Variants in KCNAB2 observed in about 807,000 individuals in gnomAD.
KCNAB2 encodes voltage-gated potassium channel subunit beta-2.
In KCNAB2, 29 loss-of-function variants were observed where a neutral mutation model predicts 63.6. That is an observed-to-expected ratio of 0.46 (90% CI 0.34 to 0.62). The LOEUF (loss-of-function observed/expected upper bound fraction) is 0.62. Among genes scored for constraint, KCNAB2 ranks in the 20% least tolerant of loss-of-function variants. KCNAB2 has a pLI of 0.01. For synonymous variants in KCNAB2, 222 were observed against 224.2 expected (o/e 0.99, Z 0.09); for missense variants, 359 against 563.9 (o/e 0.64, Z 3.68).
chr1:6,097,570 CAG>C, intron 15 of KCNAB2: 1 of 853,590 alleles, frequency 1.2e-6, no homozygotes, highest in Non-Finnish European at 1.8e-6. Context: ...GAATGTGTGT[CAG>C]GGTGGACGAG....
intron 1 of KCNAB2, chr1:6,040,375 GTCTC>G (rs146621437): frequency 4.8e-6 from 3 of 621,134 alleles, no homozygotes; most frequent in Non-Finnish European, 8.9e-6. Flanking sequence ...CTGTCTGTCT[GTCTC>G]TCTGCTGAGG....
chr1:6,089,243 C>T (rs778397224), intron 8 of KCNAB2, among the ~76,000 whole-genome samples, 192 bp downstream of exon 8: 1 of 152,250 alleles, frequency 6.6e-6, no homozygotes, highest in African/African-American at 2.4e-5. Context: ...AGAACGAGGG[C>T]AGCCCGGTGG....
intron 2 of KCNAB2, among the ~76,000 whole-genome samples, chr1:6,062,660 G>A (rs929355125): frequency 1.9e-4 from 29 of 152,186 alleles, no homozygotes; most frequent in African/African-American, 5.5e-4. Flanking sequence ...GCTTCATAGC[G>A]CACACACACT....
rs192325123 is a variant in KCNAB2, at chr1:6,062,621, A to T, written c.219-10134A>T. ...GAACATGGTCAGTGGCGCTCGGAGA[A>T]GGGAGGGGTTACTTGTGCTGGGGGC... is the stretch of plus-strand genomic sequence containing the variant. On this transcript the variant is annotated intron_variant, in intron 2 of 15. Coordinates refer to ENST00000378083, the MANE Select transcript of KCNAB2 (RefSeq NM_001199862.2). 3.2e-4 allele frequency among the ~76,000 whole-genome samples: 48 copies of T among 152,252 alleles called. 1 individual carries two copies. In the East Asian group the frequency reaches 9.1e-3, roughly 29 times the overall value.
At chr1:6,039,656 G>A (rs753375131) in intron 1 of KCNAB2, among the ~76,000 whole-genome samples, 1 of 152,208 alleles carries the variant, frequency 6.6e-6, no homozygotes, top group South Asian at 2.1e-4. Context: ...CTGAGCTGCA[G>A]TCGAGGTTCT....
chr1:6,094,720 C>T (rs1350215163), intron 11 of KCNAB2, among the ~76,000 whole-genome samples: 1 of 152,228 alleles, frequency 6.6e-6, no homozygotes, highest in Non-Finnish European at 1.5e-5. Context: ...CTTAACGTCT[C>T]TGAGCTTGTT....
chr1:6,095,702 T>C (rs1665563066), intron 13 of KCNAB2, 78 bp downstream of exon 13: 3 of 1,369,924 alleles, frequency 2.2e-6, no homozygotes, highest in Non-Finnish European at 2.1e-6. Flanking sequence ...GCCGACTGCT[T>C]TGGTGCTGGG....
chr1:6,091,306 A>C lies in KCNAB2; in HGVS notation c.645A>C (p.Glu215Asp). The change falls in exon 10 of 16, where the codon GAA (glutamate) becomes GAC (aspartate). Residue 215 changes from glutamate to aspartate, a missense_variant and splice_region_variant. By Grantham distance (45) the Glu-to-Asp change is conservative. Transcript: ENST00000378083. ...CCAAGTCAAGGACATTCATCATAGA[A>C]GGTACACAGTGCCCCCAGCCTGACT... ...SSSKSRTFII[E>D]ETVRAMTHVI... is the part of the protein sequence containing the mutation. 6.5e-7 allele frequency: 1 copy of C among 1,530,456 alleles called. No individual in the cohort carries two copies. The highest frequency in any genetic ancestry group is 8.8e-7 in the Non-Finnish European group (1 of 1,141,802). The allele number at this position is 1,530,456 out of a possible 1,614,324, so 94.8% of individuals were successfully genotyped here.
At chr1:6,088,703 AAATAATAATAATAAT>A (rs3040477) in intron 7 of KCNAB2, among the ~76,000 whole-genome samples, 1 of 142,490 alleles carries the variant, frequency 7.0e-6, no homozygotes, top group Non-Finnish European at 1.5e-5. Flanking sequence ...TTAATTTAAA[AAATAATAATAATAAT>A]AATAATAATA....
chr1:6,075,671 G>C (rs894718393), intron 4 of KCNAB2, among the ~76,000 whole-genome samples: 1 of 152,250 alleles, frequency 6.6e-6, no homozygotes, highest in Admixed American at 6.5e-5. Flanking sequence ...CTCAGTCCGA[G>C]CCAGCAGGGA....
At chr1:6,016,361 C>T (rs1455732979) in intron 1 of KCNAB2, among the ~76,000 whole-genome samples, 3 of 152,230 alleles carry the variant, frequency 2.0e-5, no homozygotes, top group African/African-American at 4.8e-5. Flanking sequence ...GCACTGACGT[C>T]CCTTGGCTCT....
rs977290597 is a variant in KCNAB2 at position 6,003,751 on chromosome 1, G to A, written c.-53+10963G>A. Among the ~76,000 whole-genome samples, 6 of 152,176 alleles carry A rather than the reference G, an allele frequency of 3.9e-5. No individual in the cohort carries two copies. The East Asian group carries it at 5.8e-4, about 15-fold the overall frequency. On this transcript the variant is annotated intron_variant, in intron 1 of 16. Transcript: ENST00000341524. This position sits in a 1 kb window ranked among gnomAD's most constrained non-coding sequence, Gnocchi z 4.1. ...CCAGAACCAGCCACGTCTCCTCGTC[G>A]TCGTTTCACCGCAACCTCGCCAGCA... is the stretch of plus-strand genomic sequence containing the variant.
chr1:6,090,263 TG>T, intron 8 of KCNAB2, 125 bp from the exon 9 acceptor site: 1 of 629,412 alleles, frequency 1.6e-6, no homozygotes, highest in Non-Finnish European at 2.8e-6. Context: ...CATCAGCTTC[TG>T]GAAGCTTCCA....
At chr1:6,031,277 G>T (rs915195442), upstream of KCNAB2, among the ~76,000 whole-genome samples, 8 of 152,144 alleles carry the variant, frequency 5.3e-5, no homozygotes, top group Non-Finnish European at 4.4e-5. The surrounding 1 kb of genome is among the most constrained non-coding windows in gnomAD (Gnocchi z 4.1). Context: ...AGCAGCTCAG[G>T]TGGCTCCGAC....
At chr1:6,032,407 T>C (rs191325226), upstream of KCNAB2, among the ~76,000 whole-genome samples, 1 of 152,172 alleles carries the variant, frequency 6.6e-6, no homozygotes, top group East Asian at 1.9e-4. Context: ...GGTGAAACCA[T>C]GTCTACTAAA....
intron 1 of KCNAB2, among the ~76,000 whole-genome samples, chr1:6,022,196 G>A (rs922337198): frequency 2.4e-4 from 35 of 146,870 alleles, no homozygotes; most frequent in African/African-American, 8.4e-4. Context: ...TATTGAGTGC[G>A]TAAATTCAGT....
intron 10 of KCNAB2, among the ~76,000 whole-genome samples, chr1:6,093,081 G>A (rs1665320731): frequency 6.6e-6 from 1 of 152,210 alleles, no homozygotes; most frequent in African/African-American, 2.4e-5. Context: ...CATTCCAGGG[G>A]GGAGCCTGCA....
Position 5,994,563 on chromosome 1 carries a change from T to C in KCNAB2, c.-53+1775T>C, listed in dbSNP as rs933257661. ...TCCCTGCGCCAGTCAGCAAATGCTT[T>C]GTAGGTGCTAGTCAACACCTGGGGG... On this transcript the variant is annotated intron_variant, in intron 1 of 16. Coordinates refer to the KCNAB2 transcript ENST00000341524. The surrounding 1 kb of genome is among the most constrained non-coding windows in gnomAD (Gnocchi z 5.4). 6.6e-6 allele frequency among the ~76,000 whole-genome samples: 1 copy of C among 152,124 alleles called. No homozygotes were observed. Among genetic ancestry groups the C allele is most frequent in the African/African-American group, 2.4e-5 (1 of 41,422 alleles).
chr1:6,060,926 A>G (rs1433686857), intron 2 of KCNAB2, among the ~76,000 whole-genome samples: 2 of 148,826 alleles, frequency 1.3e-5, no homozygotes, highest in Non-Finnish European at 3.0e-5. Context: ...AAAAAAAGCC[A>G]TATCTAAAAC....
Sources: gnomAD v4.1 joint callset for allele counts (sites outside exome capture counted in the v4.1 genomes callset) on GRCh38, gnomAD v4.1.1 for gene constraint, Gnocchi (gnomAD v3.1) non-coding constraint, MANE v1.5 for transcripts, NCBI Gene and HGNC (gene_info 2026-07-23, HGNC 2026-07-21) for gene names.